The following SLC35F6 variants were observed in gnomAD, a reference collection of about 807,000 sequenced individuals.
SLC35F6 encodes ANT2-binding protein.
A neutral mutation model predicts 29.4 loss-of-function variants in SLC35F6; 26 were observed. The ratio of observed to expected loss-of-function variants is 0.89; its 90% CI spans 0.65 to 1.23. SLC35F6 has a LOEUF of 1.23. Among genes scored for constraint, SLC35F6 ranks in the 50% most tolerant of loss-of-function variants. SLC35F6 has a pLI of 0.00. For synonymous variants in SLC35F6, 174 were observed against 206.6 expected, an observed-to-expected ratio of 0.84 and a Z score of 1.35; for missense variants, 428 against 487.8, an observed-to-expected ratio of 0.88 and a Z score of 1.15.
chr2:26,764,999 G>A (rs1410901953), intron 1 of SLC35F6: 1 of 985,304 alleles, frequency 1.0e-6, no homozygotes, highest in Non-Finnish European at 1.2e-6. Context: ...AAATGCCCAG[G>A]TTAGATTTTC....
In SLC35F6 at chr2:26,780,288, G is replaced by A. The variant is rs1274703488; in HGVS notation, c.*1777G>A. On this transcript the variant is annotated 3_prime_UTR_variant, in exon 6 of 6. Transcript: ENST00000344420. ...AAAGTTCTAAGTTGTTTGGCAAATGGAGTCTCCTACCCTCAGCTCCTGCAA... is the reference window on the plus strand; with the variant it reads ...AAAGTTCTAAGTTGTTTGGCAAATGAAGTCTCCTACCCTCAGCTCCTGCAA... The A allele has an allele frequency of 1.3e-5, 2 of 152,010 alleles. No individual in the cohort carries two copies. Among genetic ancestry groups the A allele is most frequent in the Admixed American group, 6.6e-5 (1 of 15,262 alleles). 9.4% of individuals were successfully genotyped at this position (152,010 alleles called of 1,614,324 possible).
chr2:26,777,388 A>T (rs1197311595), intron 5 of SLC35F6, among the ~76,000 whole-genome samples: 1 of 152,228 alleles, frequency 6.6e-6, no homozygotes. Flanking sequence ...AGCAAGATAC[A>T]GCTGCGCTTT....
In SLC35F6 at chr2:26,775,261, C is replaced by T; in HGVS notation, c.322+46C>T. ...GAGAAGGGCTCAGGGGAAGCTGTGG[C>T]TGAAGGGGCTACTGGTGAAACAGCC... On this transcript the variant is annotated intron_variant, in intron 3 of 5. Transcript: ENST00000344420. The surrounding 1 kb of genome is among the most constrained non-coding windows in gnomAD (Gnocchi z 4.6). The T allele has an allele frequency of 6.3e-6, 10 of 1,586,236 alleles. No homozygotes were observed. The highest frequency in any genetic ancestry group is 8.6e-6 in the Non-Finnish European group (10 of 1,164,888).
In SLC35F6 at chr2:26,774,099, C is replaced by T. The variant is rs533892615; in HGVS notation, c.78-152C>T. On this transcript the variant is annotated intron_variant, in intron 1 of 5. Coordinates refer to ENST00000344420, the MANE Select transcript of SLC35F6 (RefSeq NM_017877.4). ...TTGAGGAAATGCCAAGTTAAAACTC[C>T]TTGAGGTGAAGACTGACCCCTTTGA... The T allele has an allele frequency of 2.3e-4, 165 of 704,282 alleles. 1 individual carries two copies. In the East Asian group the frequency reaches 4.1e-3, roughly 18 times the overall value. 43.6% of individuals were successfully genotyped at this position (704,282 alleles called of 1,614,324 possible). A position where few individuals can be genotyped will look rare whatever the true frequency, so the allele number is the denominator to read the frequency against.
chr2:26,764,755 T>C (rs1416629720), intron 1 of SLC35F6: 7 of 978,700 alleles, frequency 7.2e-6, no homozygotes, highest in Admixed American at 1.2e-4. Flanking sequence ...CTCCACGAGC[T>C]GGGAGAGACC....
chr2:26,775,369 T>TA lies in SLC35F6; in HGVS notation c.323-94dup. 1.3e-6 allele frequency: 2 copies of TA among 1,530,442 alleles called. No individual in the cohort carries two copies. Among genetic ancestry groups the TA allele is most frequent in the Non-Finnish European group, 1.8e-6 (2 of 1,132,630 alleles). 94.8% of individuals were successfully genotyped at this position (1,530,442 alleles called of 1,614,324 possible). On this transcript the variant is annotated intron_variant, in intron 3 of 5. Transcript: ENST00000344420. This position sits in a 1 kb window ranked among gnomAD's most constrained non-coding sequence, Gnocchi z 4.6. ...ACACAGGCAGGACTGATCGAGCGCT[T>TA]ACTATGAGCTTGGCATGTCTATCAC...
At chr2:26,771,111 G>A (rs936755432) in intron 1 of SLC35F6, among the ~76,000 whole-genome samples, 11 of 152,328 alleles carry the variant, frequency 7.2e-5, no homozygotes, top group Non-Finnish European at 1.2e-4. Context: ...TGGAGAAAGC[G>A]AAGACAACCC....
chr2:26,776,383 A>G lies in SLC35F6; in HGVS notation c.547A>G (p.Ile183Val). 6.2e-7 allele frequency: 1 copy of G among 1,614,112 alleles called. No homozygotes were observed. Among genetic ancestry groups the G allele is most frequent in the Non-Finnish European group, 8.5e-7 (1 of 1,179,994 alleles). The change falls in exon 5 of 6, where the codon ATC becomes GTC. Residue 183 changes from isoleucine to valine, a missense_variant. Ile to Val is a conservative substitution (Grantham distance 29, BLOSUM62 3). Coordinates refer to ENST00000344420, the MANE Select transcript of SLC35F6 (RefSeq NM_017877.4). ...LSEVITGDLL[I>V]IMAQIIVAIQ... ...CTCCTTCCCCACAGGGGACCTGTTG[A>G]TCATCATGGCCCAGATCATCGTTGC...
chr2:26,768,958 A>G (rs1664142515), intron 1 of SLC35F6, among the ~76,000 whole-genome samples: 1 of 152,104 alleles, frequency 6.6e-6, no homozygotes. Flanking sequence ...AAAGTTTTCC[A>G]TTCCATGGAG....
In SLC35F6 at chr2:26,778,335, G is replaced by A; in HGVS notation, c.940G>A (p.Ala314Thr). The A allele has an allele frequency of 6.2e-7, 1 of 1,614,160 alleles. No individual in the cohort carries two copies. ...ACTGAGCCTGGCACTGGGCTGGGAG[G>A]CCTTCCATGCACTGCAGATCCTTGG... ...WALSLALGWEAFHALQILGFL... is the reference protein window; with the variant it reads ...WALSLALGWETFHALQILGFL... The change falls in exon 6 of 6, where the codon GCC becomes ACC. Residue 314 changes from alanine (A) to threonine (T), a missense_variant. Physicochemically the swap from Ala to Thr is moderately conservative, Grantham distance 58 (BLOSUM62 0). Transcript: ENST00000344420.
intron 5 of SLC35F6, among the ~76,000 whole-genome samples, chr2:26,777,626 G>A (rs1664325754): frequency 1.3e-5 from 2 of 152,326 alleles, no homozygotes; most frequent in South Asian, 4.1e-4. Flanking sequence ...CTAGAAAGCT[G>A]TGTTTTTCCA....
intron 1 of SLC35F6, among the ~76,000 whole-genome samples, chr2:26,765,568 G>A (rs1664083140): frequency 6.6e-6 from 1 of 152,274 alleles, no homozygotes; most frequent in Admixed American, 6.5e-5. Flanking sequence ...GGACAGAAGT[G>A]ACCAAGAGGC....
Position 26,774,236 on chromosome 2 carries a change from C to T in SLC35F6, c.78-15C>T. 1 of 1,613,928 alleles carries T rather than the reference C, an allele frequency of 6.2e-7. No homozygotes were observed. The highest frequency in any genetic ancestry group is 8.5e-7 in the Non-Finnish European group (1 of 1,179,870). ...GGATGCTGACAGGGTCTGACCTTCC[C>T]TCTCTCTCCTACAGATGGGCGGACA... is the stretch of plus-strand genomic sequence containing the variant. On this transcript the variant is annotated splice_polypyrimidine_tract_variant and intron_variant, in intron 1 of 5. Transcript: ENST00000344420.
chr2:26,773,503 G>GAAA (rs70953813), intron 1 of SLC35F6, among the ~76,000 whole-genome samples: 5,772 of 106,910 alleles, frequency 0.054, 532 homozygotes, highest in African/African-American at 0.17. Context: ...ACTCCATTAA[G>GAAA]AAAAAAAAAA....
At chr2:26,774,160 CTGGGCCTCTTGACATTGAGAGGTG>C in intron 1 of SLC35F6, 67 bp from the exon 2 acceptor site, 1 of 1,509,352 alleles carries the variant, frequency 6.6e-7, no homozygotes, top group Admixed American at 1.7e-5. Flanking sequence ...TCACCCAGGT[CTGGGCCTCTTGACATTGAGAGGTG>C]TGAGCCTCTT....
chr2:26,765,098 C>T (rs1011846044), intron 1 of SLC35F6: 12 of 767,500 alleles, frequency 1.6e-5, no homozygotes, highest in African/African-American at 5.7e-5. Flanking sequence ...TGGTTTGGTG[C>T]AGGAAAAACC....
At position 26,778,026 on chromosome 2, in the gene SLC35F6, TTCCTC is replaced by T. The variant is rs759769490; in HGVS notation, c.647-14_647-10del. The T allele has an allele frequency of 6.3e-7, 1 of 1,599,164 alleles. No homozygotes were observed. The highest frequency in any genetic ancestry group is 8.5e-7 in the Non-Finnish European group (1 of 1,170,056). ...GGGGGAAGGTGGAGAGTGTAACTGT[TTCCTC>T]TACTCCCCAGGCCTCTTTGGCTTTG... On this transcript the variant is annotated splice_polypyrimidine_tract_variant and intron_variant, in intron 5 of 5. Transcript: ENST00000344420.
Position 26,775,600 on chromosome 2 carries a change from G to T in SLC35F6, c.459G>T (p.Ala153=). The T allele has an allele frequency of 1.9e-6, 3 of 1,607,216 alleles. No homozygotes were observed. The highest frequency in any genetic ancestry group is 2.5e-6 in the Non-Finnish European group (3 of 1,179,040). The change falls in exon 4 of 6, where the codon GCG becomes GCT. Residue 153 remains alanine (A), a synonymous_variant. Transcript: ENST00000344420. This position sits in a 1 kb window ranked among gnomAD's most constrained non-coding sequence, Gnocchi z 4.6. ...GGCTGGGCATCCTAGCCACCATCGCGGGGCTGGTGGTCGTGGGCCTGGCTG... is the reference window on the plus strand; with the variant it reads ...GGCTGGGCATCCTAGCCACCATCGCTGGGCTGGTGGTCGTGGGCCTGGCTG... ...SQWLGILATI[A]GLVVVGLADL...
At chr2:26,772,817 G>T (rs1016981824) in intron 1 of SLC35F6, among the ~76,000 whole-genome samples, 1 of 152,210 alleles carries the variant, frequency 6.6e-6, no homozygotes, top group African/African-American at 2.4e-5. Flanking sequence ...TCAAGACAGA[G>T]AATTTTCATG....
Sources: gnomAD v4.1 joint callset for allele counts (sites outside exome capture counted in the v4.1 genomes callset) on GRCh38, gnomAD v4.1.1 for gene constraint, Gnocchi (gnomAD v3.1) non-coding constraint, MANE v1.5 for transcripts, NCBI Gene and HGNC (gene_info 2026-07-23, HGNC 2026-07-21) for gene names.